TRPM3: variants seen among roughly 807,000 people sequenced by gnomAD.
The protein encoded by TRPM3 is transient receptor potential cation channel subfamily M member 3.
A neutral mutation model predicts 181.2 loss-of-function variants in TRPM3; 77 were observed. The ratio of observed to expected loss-of-function variants is 0.42; its 90% CI spans 0.35 to 0.51. The LOEUF (loss-of-function observed/expected upper bound fraction) is 0.51. Among genes scored for constraint, TRPM3 ranks in the 20% least tolerant of loss-of-function variants. The pLI is 0.01. For synonymous variants in TRPM3, 745 were observed against 796.4 expected, an observed-to-expected ratio of 0.94 and a Z score of 1.09; for missense variants, 1,759 against 2,196.7, an observed-to-expected ratio of 0.80 and a Z score of 3.98.
chr9:70,667,550 C>T (rs578015537), intron 9 of TRPM3, among the ~76,000 whole-genome samples: 2 of 152,278 alleles, frequency 1.3e-5, no homozygotes, highest in African/African-American at 4.8e-5. Context: ...CTGTTTTACT[C>T]TCACTAGAGA....
intron 1 of TRPM3, among the ~76,000 whole-genome samples, chr9:71,335,646 CTGAGT>C (rs949233506): frequency 6.6e-6 from 1 of 152,012 alleles, no homozygotes; most frequent in African/African-American, 2.4e-5. Flanking sequence ...GATCAATAAA[CTGAGT>C]TATTTAAAAG....
intron 1 of TRPM3, among the ~76,000 whole-genome samples, chr9:70,928,485 C>A (rs1346938641): frequency 1.3e-5 from 2 of 152,122 alleles, no homozygotes; most frequent in East Asian, 1.9e-4. Context: ...TTGAGCACAG[C>A]CAATTATGGT....
At chr9:71,252,428 A>G (rs1425069217) in intron 1 of TRPM3, among the ~76,000 whole-genome samples, 2 of 152,178 alleles carry the variant, frequency 1.3e-5, no homozygotes, top group African/African-American at 4.8e-5. Flanking sequence ...CACCTTTCTA[A>G]AAATGACAGC....
At chr9:70,902,276 G>A (rs553248396) in intron 1 of TRPM3, among the ~76,000 whole-genome samples, 5 of 152,236 alleles carry the variant, frequency 3.3e-5, no homozygotes, top group Non-Finnish European at 7.3e-5. Flanking sequence ...TCCAGCCCCA[G>A]TTGGGGCATG....
chr9:70,975,727 C>G (rs905344730), intron 1 of TRPM3, among the ~76,000 whole-genome samples: 4 of 152,198 alleles, frequency 2.6e-5, no homozygotes, highest in African/African-American at 9.6e-5. Context: ...CTATCTTGGC[C>G]AGCCTTCCTC....
chr9:71,240,897 C>A (rs1417243534), intron 1 of TRPM3, among the ~76,000 whole-genome samples: 2 of 152,058 alleles, frequency 1.3e-5, no homozygotes, highest in Non-Finnish European at 2.9e-5. Flanking sequence ...CTTTTGGCTC[C>A]TTGTAGGATA....
At chr9:70,803,277 A>T (rs1035633747) in intron 6 of TRPM3, among the ~76,000 whole-genome samples, 1 of 152,106 alleles carries the variant, frequency 6.6e-6, no homozygotes, top group Middle Eastern at 3.4e-3. Flanking sequence ...TGACCATTTC[A>T]TTCCTTCCTC....
chr9:71,308,806 TGGGAATGA>T (rs2087632104), intron 1 of TRPM3, among the ~76,000 whole-genome samples: 1 of 152,116 alleles, frequency 6.6e-6, no homozygotes, highest in Non-Finnish European at 1.5e-5. Flanking sequence ...TGCCAATCTT[TGGGAATGA>T]GATTATGACA....
At chr9:71,220,919 T>G (rs1010196745) in intron 1 of TRPM3, among the ~76,000 whole-genome samples, 2 of 152,140 alleles carry the variant, frequency 1.3e-5, no homozygotes, top group Non-Finnish European at 2.9e-5. Context: ...CCATCTTGTA[T>G]GCAAATCAGT....
At chr9:70,965,710 G>A (rs1338818306) in intron 1 of TRPM3, among the ~76,000 whole-genome samples, 2 of 152,076 alleles carry the variant, frequency 1.3e-5, no homozygotes, top group East Asian at 3.9e-4. Flanking sequence ...TTGCATCATT[G>A]TTCAATATCC....
chr9:71,209,129 G>A (rs1006154605), intron 1 of TRPM3, among the ~76,000 whole-genome samples: 8 of 152,044 alleles, frequency 5.3e-5, no homozygotes, highest in South Asian at 2.1e-4. Flanking sequence ...TAGATGCCTC[G>A]TTTATATTAT....
intron 1 of TRPM3, among the ~76,000 whole-genome samples, chr9:71,439,982 G>A (rs1259292678): frequency 6.6e-6 from 1 of 151,960 alleles, no homozygotes; most frequent in Non-Finnish European, 1.5e-5. Context: ...AATTAGCCGG[G>A]CATGGTGGCG....
At chr9:71,263,743 C>A (rs1173738984) in intron 1 of TRPM3, among the ~76,000 whole-genome samples, 1 of 138,740 alleles carries the variant, frequency 7.2e-6, no homozygotes, top group Non-Finnish European at 1.6e-5. Flanking sequence ...GAATAATCAC[C>A]CCTGGTCTCA....
At chr9:71,105,629 G>T (rs975628842) in intron 1 of TRPM3, among the ~76,000 whole-genome samples, 1 of 152,120 alleles carries the variant, frequency 6.6e-6, no homozygotes, top group Non-Finnish European at 1.5e-5. Flanking sequence ...GGGTGTAAGG[G>T]CCAGATAGAA....
At chr9:70,868,714 T>C (rs1014189252) in intron 1 of TRPM3, among the ~76,000 whole-genome samples, 13 of 152,000 alleles carry the variant, frequency 8.6e-5, no homozygotes, top group African/African-American at 2.9e-4. Flanking sequence ...AGACCAGTAT[T>C]TGCAAGATTA....
At chr9:71,285,833 C>A (rs933761914) in intron 1 of TRPM3, among the ~76,000 whole-genome samples, 1 of 152,120 alleles carries the variant, frequency 6.6e-6, no homozygotes, top group Non-Finnish European at 1.5e-5. Flanking sequence ...ACCTAGACTC[C>A]CCTTGACCAA....
intron 1 of TRPM3, among the ~76,000 whole-genome samples, chr9:71,442,892 T>C (rs141928566): frequency 6.6e-6 from 1 of 152,250 alleles, no homozygotes; most frequent in Non-Finnish European, 1.5e-5. Context: ...ACAAGAACAA[T>C]AATTCACAAA....
chr9:70,888,172 C>T (rs75315900), intron 1 of TRPM3, among the ~76,000 whole-genome samples: 1 of 152,128 alleles, frequency 6.6e-6, no homozygotes, highest in African/African-American at 2.4e-5. Context: ...ATCCCCAAGT[C>T]ACTATAATGA....
chr9:71,041,380 T>C (rs1008793325), intron 1 of TRPM3, among the ~76,000 whole-genome samples: 5 of 152,210 alleles, frequency 3.3e-5, no homozygotes, highest in Non-Finnish European at 7.3e-5. Flanking sequence ...ACAAGTATTT[T>C]TCCTTCAAAC....
Sources: allele counts gnomAD v4.1 joint callset (sites outside exome capture counted in the v4.1 genomes callset), GRCh38; gene constraint gnomAD v4.1.1; transcripts MANE v1.5; gene names NCBI Gene and HGNC (gene_info 2026-07-23, HGNC 2026-07-21).